The following DNER variants were observed in gnomAD, a reference collection of about 807,000 sequenced individuals.
DNER encodes delta/notch like EGF repeat containing.
In DNER, 33 loss-of-function variants were observed where a neutral mutation model predicts 78.2. The observed-to-expected ratio is 0.42, with a 90% CI of 0.32 to 0.56. The LOEUF (loss-of-function observed/expected upper bound fraction) is 0.56, where lower values mean the gene tolerates loss of function less well. Among genes scored for constraint, DNER ranks in the 20% least tolerant of loss-of-function variants. DNER has a pLI of 0.11. For missense variants in DNER, 918 were observed against 975.3 expected, an observed-to-expected ratio of 0.94 and a Z score of 0.78; for synonymous variants, 417 against 384.8, an observed-to-expected ratio of 1.08 and a Z score of -0.98.
intron 7 of DNER, 40 bp from the exon 8 acceptor site, chr2:229,447,580 C>T: frequency 6.3e-7 from 1 of 1,582,338 alleles, no homozygotes; most frequent in East Asian, 2.3e-5. Context: ...AACTAAAACA[C>T]ATTTGCACAT....
At chr2:229,441,484 A>C in intron 8 of DNER, among the ~76,000 whole-genome samples, 1 of 152,060 alleles carries the variant, frequency 6.6e-6, no homozygotes, top group South Asian at 2.1e-4. Context: ...TTATTATAGG[A>C]TTTGAACTCT....
intron 5 of DNER, among the ~76,000 whole-genome samples, chr2:229,544,720 G>A (rs572928538): frequency 9.2e-5 from 14 of 152,018 alleles, no homozygotes; most frequent in Non-Finnish European, 1.8e-4. Context: ...TTTTAGTAGA[G>A]ACAGGGTTTC....
intron 6 of DNER, among the ~76,000 whole-genome samples, chr2:229,504,446 CT>C (rs1446891662): frequency 2.6e-5 from 4 of 152,184 alleles, no homozygotes; most frequent in African/African-American, 4.8e-5. Flanking sequence ...TCTCAAACTC[CT>C]GACCTCAGGT....
intron 1 of DNER, among the ~76,000 whole-genome samples, chr2:229,630,807 G>A (rs370538108): frequency 7.9e-5 from 12 of 152,030 alleles, no homozygotes; most frequent in African/African-American, 2.9e-4. Context: ...CCCCACTCTT[G>A]TAGTCCCCAA....
At chr2:229,371,220 C>T (rs576302894) in intron 11 of DNER, among the ~76,000 whole-genome samples, 5 of 152,308 alleles carry the variant, frequency 3.3e-5, no homozygotes, top group South Asian at 2.1e-4. Context: ...CTAAGTCCAA[C>T]GCTAGGTCTG....
At chr2:229,679,874 A>G (rs995897074) in intron 1 of DNER, among the ~76,000 whole-genome samples, 2 of 152,214 alleles carry the variant, frequency 1.3e-5, no homozygotes, top group African/African-American at 4.8e-5. Context: ...CTTCAGGAGC[A>G]CAGTCAGCCC....
At chr2:229,548,059 A>G (rs1295522548) in intron 4 of DNER, among the ~76,000 whole-genome samples, 1 of 152,228 alleles carries the variant, frequency 6.6e-6, no homozygotes, top group African/African-American at 2.4e-5. Flanking sequence ...TGTCAAGAGT[A>G]AAAGTTAAAA....
intron 6 of DNER, among the ~76,000 whole-genome samples, chr2:229,482,752 G>T (rs1434473924): frequency 6.6e-6 from 1 of 152,200 alleles, no homozygotes; most frequent in Admixed American, 6.5e-5. Flanking sequence ...TTTGGGAGTG[G>T]AAAGGAGAGG....
intron 11 of DNER, among the ~76,000 whole-genome samples, chr2:229,373,683 C>T (rs946912630): frequency 1.3e-5 from 2 of 152,144 alleles, no homozygotes; most frequent in African/African-American, 4.8e-5. Context: ...CAGAATCAAC[C>T]AAGGTGCCTG....
intron 6 of DNER, among the ~76,000 whole-genome samples, chr2:229,493,792 G>A (rs563124021): frequency 3.9e-4 from 59 of 152,284 alleles, no homozygotes; most frequent in African/African-American, 1.4e-3. Flanking sequence ...CAGCCATGAT[G>A]AGACTTGTTC....
intron 8 of DNER, among the ~76,000 whole-genome samples, chr2:229,437,702 T>G (rs1041140555): frequency 2.0e-5 from 3 of 152,158 alleles, no homozygotes; most frequent in Admixed American, 6.5e-5. Context: ...GGCGTGCTAC[T>G]GAAGGAACAT....
chr2:229,500,522 C>A (rs1015438854), intron 6 of DNER, among the ~76,000 whole-genome samples: 1 of 152,158 alleles, frequency 6.6e-6, no homozygotes, highest in Non-Finnish European at 1.5e-5. Context: ...GCAGTAATCT[C>A]CCTACTGGAT....
chr2:229,573,925 T>C (rs1233943204), intron 4 of DNER, among the ~76,000 whole-genome samples: 1 of 152,238 alleles, frequency 6.6e-6, no homozygotes, highest in African/African-American at 2.4e-5. Context: ...AATATTGTGA[T>C]GAAACCACTT....
In DNER at chr2:229,464,196, T is replaced by C. The variant is rs564347575; in HGVS notation, c.1261+12944A>G. Among the ~76,000 whole-genome samples the C allele has an allele frequency of 8.5e-4, 130 of 152,268 alleles. 1 individual carries two copies. In the South Asian group the frequency reaches 0.026, roughly 31 times the overall value. The stretch of plus-strand genomic sequence containing the variant: ...TTAATTGGGACCACATTTGTTCTGG[T>C]TCTAAGAAAGCAGACAGTTATGCAA... On this transcript the variant is annotated intron_variant, in intron 7 of 12. Coordinates refer to ENST00000341772, the MANE Select transcript of DNER (RefSeq NM_139072.4).
intron 7 of DNER, among the ~76,000 whole-genome samples, chr2:229,449,891 C>T (rs1694419993): frequency 6.6e-6 from 1 of 152,240 alleles, no homozygotes. Context: ...AAGCGATTCT[C>T]CTGCCTCAGC....
intron 7 of DNER, among the ~76,000 whole-genome samples, chr2:229,453,008 T>C (rs963773595): frequency 6.6e-6 from 1 of 152,222 alleles, no homozygotes; most frequent in African/African-American, 2.4e-5. Flanking sequence ...ATGTGTCTTC[T>C]CTGTGTGAGT....
chr2:229,556,802 T>C (rs1348110347), intron 4 of DNER, among the ~76,000 whole-genome samples: 1 of 152,226 alleles, frequency 6.6e-6, no homozygotes, highest in Non-Finnish European at 1.5e-5. Flanking sequence ...GTGTCACACA[T>C]TACCACGTAA....
chr2:229,439,705 G>T (rs1016698047), intron 8 of DNER, among the ~76,000 whole-genome samples: 6 of 152,140 alleles, frequency 3.9e-5, no homozygotes, highest in African/African-American at 1.4e-4. Flanking sequence ...TGGTAGGGAG[G>T]TCCCCATCTG....
intron 7 of DNER, among the ~76,000 whole-genome samples, chr2:229,469,123 A>G (rs1478659155): frequency 6.6e-6 from 1 of 152,202 alleles, no homozygotes; most frequent in Non-Finnish European, 1.5e-5. Flanking sequence ...CATTCATTCA[A>G]CAAATGTCTC....
Sources: allele counts gnomAD v4.1 joint callset (sites outside exome capture counted in the v4.1 genomes callset), GRCh38; gene constraint gnomAD v4.1.1; transcripts MANE v1.5; gene names NCBI Gene and HGNC (gene_info 2026-07-23, HGNC 2026-07-21).